The following SUCLG2 variants were observed in gnomAD, a reference collection of about 807,000 sequenced individuals.
The protein encoded by SUCLG2 is succinate--CoA ligase [GDP-forming] subunit beta, mitochondrial.
Under a neutral mutation model 47.9 loss-of-function variants are expected in SUCLG2, and 42 were observed. That is an observed-to-expected ratio of 0.88 (90% CI 0.69 to 1.14). SUCLG2 has a LOEUF of 1.14. SUCLG2 is among the 50% of genes most tolerant of loss of function. The pLI is 0.00. For missense variants in SUCLG2, 571 were observed against 525.9 expected, an observed-to-expected ratio of 1.09 and a Z score of -0.84; for synonymous variants, 195 against 197.3, an observed-to-expected ratio of 0.99 and a Z score of 0.10.
At chr3:67,438,588 A>AAG (rs1703682211) in intron 9 of SUCLG2, among the ~76,000 whole-genome samples, 1 of 152,216 alleles carries the variant, frequency 6.6e-6, no homozygotes, top group Non-Finnish European at 1.5e-5. Context: ...ACAAACTACC[A>AAG]TCAGAGAATA....
chr3:67,599,732 A>AT (rs1708376077), intron 2 of SUCLG2, among the ~76,000 whole-genome samples: 1 of 152,066 alleles, frequency 6.6e-6, no homozygotes. Flanking sequence ...AAAAAAAAAA[A>AT]AACTCTAATA....
At chr3:67,416,136 CA>C (rs1703034554) in intron 9 of SUCLG2, among the ~76,000 whole-genome samples, 1 of 152,214 alleles carries the variant, frequency 6.6e-6, no homozygotes, top group South Asian at 2.1e-4. Flanking sequence ...ACTGCAGCCT[CA>C]TGAGAGACCC....
chr3:67,525,173 A>G (rs990157510), intron 4 of SUCLG2, among the ~76,000 whole-genome samples: 1 of 152,358 alleles, frequency 6.6e-6, no homozygotes, highest in Non-Finnish European at 1.5e-5. Flanking sequence ...CATGGGTTGC[A>G]AGGCTTAACA....
chr3:67,517,122 G>C (rs147625127), intron 6 of SUCLG2, among the ~76,000 whole-genome samples: 222 of 152,280 alleles, frequency 1.5e-3, no homozygotes, highest in African/African-American at 5.1e-3. Context: ...TTTAGTTCCA[G>C]ATGACCCTGT....
chr3:67,549,233 T>C (rs1706947234), intron 2 of SUCLG2, among the ~76,000 whole-genome samples: 1 of 152,156 alleles, frequency 6.6e-6, no homozygotes, highest in Admixed American at 6.5e-5. Context: ...GCCAGGATGA[T>C]ACCTGGAGCT....
chr3:67,461,420 G>A (rs1396931985), intron 9 of SUCLG2, among the ~76,000 whole-genome samples: 3 of 151,938 alleles, frequency 2.0e-5, no homozygotes, highest in Admixed American at 1.3e-4. Context: ...TCCATATAAC[G>A]GTATTGGAAG....
intron 9 of SUCLG2, among the ~76,000 whole-genome samples, chr3:67,466,753 T>C (rs1304669970): frequency 6.6e-6 from 1 of 152,216 alleles, no homozygotes. Context: ...TGGTAGACAG[T>C]GGCTGCCCAG....
intron 1 of SUCLG2, among the ~76,000 whole-genome samples, chr3:67,626,734 G>A (rs946194418): frequency 2.0e-4 from 30 of 151,980 alleles, no homozygotes; most frequent in African/African-American, 7.0e-4. Context: ...CTAACACGGT[G>A]AAACCCCATC....
At chr3:67,417,364 G>C (rs1470853117) in intron 9 of SUCLG2, among the ~76,000 whole-genome samples, 1 of 152,222 alleles carries the variant, frequency 6.6e-6, no homozygotes. Context: ...AAATGGGATG[G>C]AACAAAACTG....
chr3:67,380,957 C>T (rs765154518), intron 10 of SUCLG2, among the ~76,000 whole-genome samples: 1 of 152,144 alleles, frequency 6.6e-6, no homozygotes, highest in Non-Finnish European at 1.5e-5. Context: ...TTAACTACCA[C>T]TTGCTTCCTC....
At chr3:67,531,166 A>T (rs2107151530) in intron 2 of SUCLG2, among the ~76,000 whole-genome samples, 3 of 152,378 alleles carry the variant, frequency 2.0e-5, no homozygotes, top group Admixed American at 2.0e-4. Context: ...TATCAACATT[A>T]TAATAATTTT....
chr3:67,428,881 C>T (rs371578859), intron 9 of SUCLG2, among the ~76,000 whole-genome samples: 21 of 151,848 alleles, frequency 1.4e-4, no homozygotes, highest in South Asian at 6.3e-4. Flanking sequence ...TGAAATGAAG[C>T]GAGAAGAGAA....
At chr3:67,493,628 G>T (rs918583937) in intron 9 of SUCLG2, among the ~76,000 whole-genome samples, 1 of 152,078 alleles carries the variant, frequency 6.6e-6, no homozygotes, top group Non-Finnish European at 1.5e-5. Flanking sequence ...TCTCTCAGTG[G>T]CTCTCTATTA....
intron 1 of SUCLG2, among the ~76,000 whole-genome samples, chr3:67,615,202 G>T (rs1248753116): frequency 6.6e-6 from 1 of 151,796 alleles, no homozygotes; most frequent in Non-Finnish European, 1.5e-5. Context: ...ATGGCTAAGT[G>T]GGCAAAAACT....
chr3:67,425,809 A>T (rs958350100), intron 9 of SUCLG2, among the ~76,000 whole-genome samples: 11 of 152,220 alleles, frequency 7.2e-5, no homozygotes, highest in Admixed American at 7.2e-4. Context: ...TGAACTCTAA[A>T]ACAGGTGTAG....
chr3:67,430,924 G>A (rs1703463042), intron 9 of SUCLG2, among the ~76,000 whole-genome samples: 1 of 152,112 alleles, frequency 6.6e-6, no homozygotes, highest in African/African-American at 2.4e-5. Context: ...TCTCTGAATA[G>A]ACCAATAACA....
intron 10 of SUCLG2, among the ~76,000 whole-genome samples, chr3:67,390,133 G>C (rs1187288163): frequency 6.6e-6 from 1 of 152,174 alleles, no homozygotes; most frequent in Non-Finnish European, 1.5e-5. Context: ...GAGATTTTCA[G>C]TGATCCAGAT....
chr3:67,392,175 C>T (rs1434448743), intron 10 of SUCLG2, among the ~76,000 whole-genome samples: 2 of 152,142 alleles, frequency 1.3e-5, no homozygotes, highest in African/African-American at 2.4e-5. Flanking sequence ...CTTCACTGAC[C>T]CCTGTGGACA....
chr3:67,551,022 C>T (rs61359286), intron 2 of SUCLG2, among the ~76,000 whole-genome samples: 2 of 152,122 alleles, frequency 1.3e-5, no homozygotes, highest in African/African-American at 4.8e-5. Flanking sequence ...AAATATGTTG[C>T]CTATTGGGCA....
Sources: gnomAD v4.1 joint callset for allele counts (sites outside exome capture counted in the v4.1 genomes callset) on GRCh38, gnomAD v4.1.1 for gene constraint, MANE v1.5 for transcripts, NCBI Gene and HGNC (gene_info 2026-07-23, HGNC 2026-07-21) for gene names.